Variants in PIK3CA observed in about 807,000 individuals in gnomAD.
The protein encoded by PIK3CA is phosphatidylinositol 4,5-bisphosphate 3-kinase catalytic subunit alpha isoform.
A neutral mutation model predicts 138.2 loss-of-function variants in PIK3CA; 27 were observed. That is an observed-to-expected ratio of 0.20 (90% confidence interval 0.14 to 0.27). PIK3CA has a LOEUF of 0.27. Among genes scored for constraint, PIK3CA ranks in the 10% least tolerant of loss-of-function variants. The pLI is 1.00. For missense variants in PIK3CA, 544 were observed against 1,277.4 expected (o/e 0.43, Z 8.75); for synonymous variants, 358 against 413.2 (o/e 0.87, Z 1.62).
At chr3:179,160,051 G>A (rs1184627245) in intron 1 of PIK3CA, among the ~76,000 whole-genome samples, 1 of 152,178 alleles carries the variant, frequency 6.6e-6, no homozygotes, top group African/African-American at 2.4e-5. Context: ...TGAGTGGTGA[G>A]TGAATGTGAA....
At chr3:179,150,178 TG>T (rs1329690713) in intron 1 of PIK3CA, among the ~76,000 whole-genome samples, 1 of 151,214 alleles carries the variant, frequency 6.6e-6, no homozygotes, top group Non-Finnish European at 1.5e-5. Flanking sequence ...TACGTGTGTG[TG>T]TGTGTGTGTG....
At chr3:179,204,453 A>ATGC in intron 5 of PIK3CA, 50 bp from the exon 6 acceptor site, 1 of 824,794 alleles carries the variant, frequency 1.2e-6, no homozygotes, top group Middle Eastern at 2.5e-4. Context: ...GTGTGTGCAT[A>ATGC]TGTGTATGTT....
At chr3:179,163,951 A>T (rs1723350290) in intron 1 of PIK3CA, among the ~76,000 whole-genome samples, 1 of 152,188 alleles carries the variant, frequency 6.6e-6, no homozygotes, top group African/African-American at 2.4e-5. Flanking sequence ...TAAAATCAAC[A>T]TACAGTTTGA....
chr3:179,167,639 A>G (rs981821679), intron 1 of PIK3CA, among the ~76,000 whole-genome samples: 1 of 152,112 alleles, frequency 6.6e-6, no homozygotes, highest in Non-Finnish European at 1.5e-5. Context: ...ACCTAGTACT[A>G]TTTACATTAA....
intron 14 of PIK3CA, among the ~76,000 whole-genome samples, chr3:179,223,492 A>C (rs982453656): frequency 6.6e-6 from 1 of 152,144 alleles, no homozygotes; most frequent in Non-Finnish European, 1.5e-5. Context: ...TTTTCCCAAC[A>C]ATTTCTTTTA....
chr3:179,215,303 ATTCT>A (rs1263565831), intron 9 of PIK3CA, among the ~76,000 whole-genome samples: 1 of 152,194 alleles, frequency 6.6e-6, no homozygotes, highest in Non-Finnish European at 1.5e-5. Context: ...TGATGACTGT[ATTCT>A]TTCTTAAAAG....
At position 179,234,631 on chromosome 3, in the gene PIK3CA, T is replaced by C; in HGVS notation, c.*267T>C. The C allele has an allele frequency of 3.2e-6, 1 of 307,902 alleles. No individual in the cohort carries two copies. The highest frequency in any genetic ancestry group is 5.9e-6 in the Non-Finnish European group (1 of 168,856). 19.1% of individuals were successfully genotyped at this position (307,902 alleles called of 1,614,324 possible). A position where few individuals can be genotyped will look rare whatever the true frequency, so the allele number is the denominator to read the frequency against. On this transcript the variant is annotated 3_prime_UTR_variant, in exon 21 of 21. Coordinates refer to ENST00000263967, the MANE Select transcript of PIK3CA (RefSeq NM_006218.4). The surrounding 1 kb of genome is among the most constrained non-coding windows in gnomAD (Gnocchi z 5.1). ...GCCTTAAGTCCAAAAAGGTAAACTTTGAAGATTGTTTGTATCTTTTTTTAA... is the reference window on the plus strand; with the variant it reads ...GCCTTAAGTCCAAAAAGGTAAACTTCGAAGATTGTTTGTATCTTTTTTTAA...
chr3:179,183,268 A>G (rs1038227259), intron 1 of PIK3CA, among the ~76,000 whole-genome samples: 3 of 152,204 alleles, frequency 2.0e-5, no homozygotes, highest in African/African-American at 7.2e-5. Flanking sequence ...ACATCAGGAT[A>G]TAAAGTTATT....
intron 9 of PIK3CA, among the ~76,000 whole-genome samples, chr3:179,217,005 T>C (rs1396219809): frequency 6.6e-6 from 1 of 152,114 alleles, no homozygotes; most frequent in Non-Finnish European, 1.5e-5. Context: ...TCAATAAAAA[T>C]AAAATCCCAA....
intron 1 of PIK3CA, among the ~76,000 whole-genome samples, chr3:179,198,088 G>A (rs1387698353): frequency 6.6e-6 from 1 of 152,152 alleles, no homozygotes; most frequent in African/African-American, 2.4e-5. Flanking sequence ...ATTCATTGAT[G>A]ACACTTTCTA....
Position 179,238,302 on chromosome 3 carries a change from T to A in PIK3CA, c.*3938T>A, listed in dbSNP as rs546209544. 6.5e-5 allele frequency: 14 copies of A among 216,650 alleles called. No homozygotes were observed. Among genetic ancestry groups the A allele is most frequent in the Non-Finnish European group, 1.1e-4 (12 of 107,538 alleles). The allele number at this position is 216,650 out of a possible 1,614,324, so 13.4% of individuals were successfully genotyped here. A position where few individuals can be genotyped will look rare whatever the true frequency, so the allele number is the denominator to read the frequency against. ...AGAATAATACAGCTGGGCTGTTTTTTAAAATATAAACAATACCATTTTTAA... is the reference window on the plus strand; with the variant it reads ...AGAATAATACAGCTGGGCTGTTTTTAAAAATATAAACAATACCATTTTTAA... On this transcript the variant is annotated 3_prime_UTR_variant, in exon 21 of 21. Transcript: ENST00000263967.
chr3:179,214,665 T>C (rs540580363), intron 9 of PIK3CA, among the ~76,000 whole-genome samples: 23 of 152,232 alleles, frequency 1.5e-4, no homozygotes, highest in African/African-American at 5.5e-4. Flanking sequence ...GGAGACTTCC[T>C]TTACATAGGG....
At chr3:179,157,665 A>G (rs1490357595) in intron 1 of PIK3CA, among the ~76,000 whole-genome samples, 1 of 152,104 alleles carries the variant, frequency 6.6e-6, no homozygotes, top group East Asian at 1.9e-4. Context: ...TGAGGCACGT[A>G]ATCTGACAAT....
At chr3:179,170,071 C>CGT (rs1486796752) in intron 1 of PIK3CA, among the ~76,000 whole-genome samples, 1 of 85,040 alleles carries the variant, frequency 1.2e-5, no homozygotes, top group African/African-American at 3.5e-5. Context: ...TGCACACGCG[C>CGT]GCGCGCACAC....
intron 1 of PIK3CA, among the ~76,000 whole-genome samples, chr3:179,172,524 T>C (rs981025347): frequency 6.6e-6 from 1 of 151,204 alleles, no homozygotes; most frequent in Non-Finnish European, 1.5e-5. Flanking sequence ...AACAAGTGAC[T>C]TAGGCAAGGC....
chr3:179,210,618 G>C (rs2108401944), intron 9 of PIK3CA, 53 bp downstream of exon 9: 1 of 1,548,128 alleles, frequency 6.5e-7, no homozygotes, highest in Non-Finnish European at 8.9e-7. Context: ...GTGGATTTAG[G>C]TAGATACTTT....
In PIK3CA at chr3:179,194,454, A is replaced by G. The variant is rs574042048; in HGVS notation, c.-76-4296A>G. On this transcript the variant is annotated intron_variant, in intron 1 of 20. Transcript: ENST00000263967. Reference sequence around the variant, plus strand: ...GGCTGGTCTCGAACTCCTCAGCTCAAGGGATCCTGCTGCCTCAGCCTCCCA... The same window carrying G: ...GGCTGGTCTCGAACTCCTCAGCTCAGGGGATCCTGCTGCCTCAGCCTCCCA... 1.2e-4 allele frequency among the ~76,000 whole-genome samples: 19 copies of G among 152,282 alleles called. No homozygotes were observed. The East Asian group carries it at 3.5e-3, about 28-fold the overall frequency.
chr3:179,156,398 C>G (rs1282723330), intron 1 of PIK3CA, among the ~76,000 whole-genome samples: 1 of 152,178 alleles, frequency 6.6e-6, no homozygotes, highest in Non-Finnish European at 1.5e-5. Context: ...TCACAGCACC[C>G]TTAATAGCCA....
At chr3:179,216,816 A>G (rs375055319) in intron 9 of PIK3CA, among the ~76,000 whole-genome samples, 1 of 152,280 alleles carries the variant, frequency 6.6e-6, no homozygotes, top group East Asian at 1.9e-4. Flanking sequence ...TTTAAAATGT[A>G]AACAAATAAA....
Sources: allele counts gnomAD v4.1 joint callset (sites outside exome capture counted in the v4.1 genomes callset), GRCh38; gene constraint gnomAD v4.1.1; non-coding constraint Gnocchi (gnomAD v3.1); transcripts MANE v1.5; gene names NCBI Gene and HGNC (gene_info 2026-07-23, HGNC 2026-07-21).